The following AGBL4 variants were observed in gnomAD, a reference collection of about 807,000 sequenced individuals.
The protein encoded by AGBL4 is cytosolic carboxypeptidase 6.
Under a neutral mutation model 66.4 loss-of-function variants are expected in AGBL4, and 58 were observed. The observed-to-expected ratio is 0.87, with a 90% CI of 0.71 to 1.09. AGBL4 has a LOEUF of 1.09. Among genes scored for constraint, AGBL4 ranks in the 50% least tolerant of loss-of-function variants. The pLI, the probability that AGBL4 is intolerant of heterozygous loss-of-function variation, is 0.00. For synonymous variants in AGBL4, 234 were observed against 222.9 expected, an observed-to-expected ratio of 1.05 and a Z score of -0.44; for missense variants, 579 against 631.0, an observed-to-expected ratio of 0.92 and a Z score of 0.88.
At chr1:49,675,546 G>C (rs949271491) in intron 3 of AGBL4, among the ~76,000 whole-genome samples, 6 of 151,838 alleles carry the variant, frequency 4.0e-5, no homozygotes, top group African/African-American at 1.5e-4. Flanking sequence ...TGTACCCCTT[G>C]AATCCATAAA....
intron 2 of AGBL4, chr1:49,846,234 A>C (rs2148051615): frequency 6.8e-7 from 1 of 1,461,684 alleles, no homozygotes; most frequent in Admixed American, 1.7e-5. Context: ...ACTGGGGAAA[A>C]GCCTTATGAG....
At chr1:49,977,090 C>G (rs1428111170) in intron 1 of AGBL4, among the ~76,000 whole-genome samples, 1 of 152,246 alleles carries the variant, frequency 6.6e-6, no homozygotes, top group Non-Finnish European at 1.5e-5. Flanking sequence ...TTTCAACTCT[C>G]TTCACTGTCA....
intron 2 of AGBL4, among the ~76,000 whole-genome samples, chr1:49,806,786 G>A (rs1263504270): frequency 6.6e-6 from 1 of 152,074 alleles, no homozygotes; most frequent in African/African-American, 2.4e-5. Context: ...GGGGCCATAG[G>A]TGCCCACAGG....
At chr1:49,872,303 T>C (rs1475694141) in intron 1 of AGBL4, among the ~76,000 whole-genome samples, 1 of 152,056 alleles carries the variant, frequency 6.6e-6, no homozygotes, top group Non-Finnish European at 1.5e-5. Context: ...AATATAATTA[T>C]TCACAGAAGT....
At chr1:49,076,427 G>C (rs1644711474) in intron 4 of AGBL4, among the ~76,000 whole-genome samples, 1 of 152,184 alleles carries the variant, frequency 6.6e-6, no homozygotes, top group African/African-American at 2.4e-5. Flanking sequence ...CAGAACCAGA[G>C]ACAGGGAGGC....
intron 3 of AGBL4, among the ~76,000 whole-genome samples, chr1:49,453,470 T>G (rs1051205289): frequency 2.6e-5 from 4 of 151,728 alleles, no homozygotes; most frequent in African/African-American, 9.7e-5. Context: ...GCCCTCTCTA[T>G]TCAACCCTAC....
At chr1:49,611,894 G>C (rs1645162489) in intron 3 of AGBL4, among the ~76,000 whole-genome samples, 1 of 152,118 alleles carries the variant, frequency 6.6e-6, no homozygotes, top group African/African-American at 2.4e-5. Context: ...CAATACACTA[G>C]ACCATCTTAA....
chr1:49,793,956 T>C (rs1411053074), intron 2 of AGBL4, among the ~76,000 whole-genome samples: 1 of 151,970 alleles, frequency 6.6e-6, no homozygotes, highest in Non-Finnish European at 1.5e-5. Flanking sequence ...GAGAAGTCTA[T>C]GTTGAAAGCT....
chr1:49,453,700 A>C (rs1167204133), intron 3 of AGBL4, among the ~76,000 whole-genome samples: 1 of 151,868 alleles, frequency 6.6e-6, no homozygotes, highest in Admixed American at 6.6e-5. Context: ...TAATTAATAT[A>C]ACTTGATAGA....
At chr1:48,773,692 A>G (rs1389296888) in intron 6 of AGBL4, among the ~76,000 whole-genome samples, 3 of 152,182 alleles carry the variant, frequency 2.0e-5, no homozygotes, top group African/African-American at 7.2e-5. Flanking sequence ...TTTACAAAGG[A>G]GACTGCCAAG....
At chr1:49,506,752 A>G (rs1478316661) in intron 3 of AGBL4, among the ~76,000 whole-genome samples, 2 of 152,108 alleles carry the variant, frequency 1.3e-5, no homozygotes, top group African/African-American at 4.8e-5. Context: ...GGTGGGAAAT[A>G]ATAGTTTACT....
At chr1:48,699,617 G>T (rs997519490) in intron 6 of AGBL4, among the ~76,000 whole-genome samples, 24 of 152,172 alleles carry the variant, frequency 1.6e-4, no homozygotes, top group African/African-American at 5.5e-4. Flanking sequence ...TGACTGATGA[G>T]AATTTGTGAA....
intron 4 of AGBL4, among the ~76,000 whole-genome samples, chr1:49,231,349 A>C (rs1650293968): frequency 6.6e-6 from 1 of 152,188 alleles, no homozygotes; most frequent in Admixed American, 6.5e-5. Flanking sequence ...ATAATAATTA[A>C]GCGCAATACT....
Position 48,636,015 on chromosome 1 carries a change from T to G in AGBL4, c.840-1411A>C, listed in dbSNP as rs150222678. Among the ~76,000 whole-genome samples the G allele has an allele frequency of 7.1e-3, 1,076 of 152,362 alleles. 9 individuals are homozygous for G. Among genetic ancestry groups the G allele is most frequent in the Admixed American group, 0.01 (155 of 15,306 alleles). On this transcript the variant is annotated intron_variant, in intron 8 of 13. Transcript: ENST00000371839. ...ATTATATGAACCCCCATAATTCATT[T>G]AGCATTTCCCCACTGTGGCACATTT...
At chr1:49,900,650 C>T (rs1649679062) in intron 1 of AGBL4, among the ~76,000 whole-genome samples, 1 of 152,168 alleles carries the variant, frequency 6.6e-6, no homozygotes, top group Non-Finnish European at 1.5e-5. Flanking sequence ...ATGCCTAAAG[C>T]CACATTTTAA....
At chr1:49,512,554 T>C (rs1306295238) in intron 3 of AGBL4, among the ~76,000 whole-genome samples, 1 of 151,614 alleles carries the variant, frequency 6.6e-6, no homozygotes, top group African/African-American at 2.4e-5. Flanking sequence ...CCACCCCCCC[T>C]CTTTCCTACT....
chr1:50,002,084 TA>T (rs1660797295), intron 1 of AGBL4, among the ~76,000 whole-genome samples: 1 of 152,152 alleles, frequency 6.6e-6, no homozygotes, highest in African/African-American at 2.4e-5. Context: ...TTGTACACTG[TA>T]AATAAGTTCT....
chr1:49,479,004 C>A (rs1424937406), intron 3 of AGBL4, among the ~76,000 whole-genome samples: 1 of 151,370 alleles, frequency 6.6e-6, no homozygotes, highest in African/African-American at 2.4e-5. Flanking sequence ...AAATAAAAAG[C>A]AAAAATCAAA....
chr1:48,915,528 T>C (rs1653512578), intron 5 of AGBL4, among the ~76,000 whole-genome samples: 1 of 152,234 alleles, frequency 6.6e-6, no homozygotes, highest in African/African-American at 2.4e-5. Context: ...CACTGTGATA[T>C]CACCAATATG....
Sources: allele counts gnomAD v4.1 joint callset (sites outside exome capture counted in the v4.1 genomes callset), GRCh38; gene constraint gnomAD v4.1.1; transcripts MANE v1.5; gene names NCBI Gene and HGNC (gene_info 2026-07-23, HGNC 2026-07-21).